ELAVL2: variants seen among roughly 807,000 people sequenced by gnomAD.
ELAVL2 encodes the protein ELAV-like protein 2.
In ELAVL2, 4 loss-of-function variants were observed where a neutral mutation model predicts 34.6. That is an observed-to-expected ratio of 0.12 (90% CI 0.06 to 0.26). ELAVL2 has a LOEUF of 0.26. Among genes scored for constraint, ELAVL2 ranks in the 10% least tolerant of loss-of-function variants. ELAVL2 has a pLI of 1.00. For missense variants in ELAVL2, 432 were observed against 442.8 expected, an observed-to-expected ratio of 0.98 and a Z score of 0.22; for synonymous variants, 193 against 154.8, an observed-to-expected ratio of 1.25 and a Z score of -1.83.
chr9:23,789,682 A>G (rs2060111142), intron 1 of ELAVL2, among the ~76,000 whole-genome samples: 1 of 152,192 alleles, frequency 6.6e-6, no homozygotes, highest in Non-Finnish European at 1.5e-5. Context: ...CACAATCTGA[A>G]TGGCAAGAAA....
chr9:23,801,201 G>A (rs542678308), intron 1 of ELAVL2, among the ~76,000 whole-genome samples: 3 of 152,252 alleles, frequency 2.0e-5, no homozygotes, highest in African/African-American at 7.2e-5. Context: ...TAAATATTAA[G>A]AGCCTAGAAC....
upstream of ELAVL2, among the ~76,000 whole-genome samples, chr9:23,830,866 A>G (rs1239028664): frequency 6.6e-6 from 1 of 152,072 alleles, no homozygotes; most frequent in African/African-American, 2.4e-5. Context: ...CTGAGCATAA[A>G]AAGGGAAAAT....
intron 2 of ELAVL2, among the ~76,000 whole-genome samples, chr9:23,749,219 C>G (rs931021688): frequency 3.9e-5 from 6 of 151,990 alleles, no homozygotes; most frequent in African/African-American, 1.4e-4. Flanking sequence ...GCCATTTAAG[C>G]TTTAATTCTG....
chr9:23,714,003 A>G (rs1025966211), intron 3 of ELAVL2, among the ~76,000 whole-genome samples: 1 of 152,232 alleles, frequency 6.6e-6, no homozygotes, highest in African/African-American at 2.4e-5. Context: ...AAACCTTACA[A>G]GTATTAAATG....
chr9:23,750,764 T>C (rs969459432), intron 2 of ELAVL2, among the ~76,000 whole-genome samples: 1 of 152,148 alleles, frequency 6.6e-6, no homozygotes, highest in Non-Finnish European at 1.5e-5. Flanking sequence ...ACAATTCATT[T>C]AAATGGAATG....
intron 2 of ELAVL2, among the ~76,000 whole-genome samples, chr9:23,761,705 A>T (rs2055049013): frequency 6.6e-6 from 1 of 152,096 alleles, no homozygotes; most frequent in Non-Finnish European, 1.5e-5. Flanking sequence ...GGGTACTAAA[A>T]GATAAAAGTT....
chr9:23,778,422 G>A (rs938463010), intron 1 of ELAVL2, among the ~76,000 whole-genome samples: 6 of 152,146 alleles, frequency 3.9e-5, no homozygotes, highest in African/African-American at 2.4e-5. Flanking sequence ...TTTCACCAAT[G>A]TAACAATTTC....
chr9:23,772,137 G>T (rs533717897), intron 1 of ELAVL2, among the ~76,000 whole-genome samples: 11 of 152,228 alleles, frequency 7.2e-5, no homozygotes, highest in African/African-American at 2.2e-4. Context: ...ACAGAAATTG[G>T]ATTAACTTCA....
At chr9:23,715,679 A>C (rs185379681) in intron 3 of ELAVL2, among the ~76,000 whole-genome samples, 12 of 152,346 alleles carry the variant, frequency 7.9e-5, no homozygotes, top group Non-Finnish European at 1.5e-4. Flanking sequence ...CAATACTATC[A>C]AGATAACCAT....
intron 3 of ELAVL2, among the ~76,000 whole-genome samples, chr9:23,717,374 A>G (rs1345382652): frequency 6.6e-6 from 1 of 152,160 alleles, no homozygotes; most frequent in African/African-American, 2.4e-5. Context: ...ATTCATTCCT[A>G]TTGTTTCTCT....
At chr9:23,755,021 T>C (rs568227203) in intron 2 of ELAVL2, among the ~76,000 whole-genome samples, 1 of 152,310 alleles carries the variant, frequency 6.6e-6, no homozygotes, top group South Asian at 2.1e-4. Flanking sequence ...ACATATTTTC[T>C]GAACGCTTCC....
intron 3 of ELAVL2, among the ~76,000 whole-genome samples, chr9:23,714,743 T>C (rs1050558886): frequency 1.3e-5 from 2 of 152,180 alleles, no homozygotes; most frequent in Non-Finnish European, 2.9e-5. Context: ...TGTTTCTGCA[T>C]GTGAAATGTG....
intron 4 of ELAVL2, among the ~76,000 whole-genome samples, chr9:23,704,487 C>T (rs957717341): frequency 2.0e-4 from 31 of 152,108 alleles, no homozygotes; most frequent in Non-Finnish European, 4.4e-4. Flanking sequence ...GGAAAACAGC[C>T]TGAACAGCAA....
At chr9:23,805,430 C>T (rs553782712) in intron 1 of ELAVL2, among the ~76,000 whole-genome samples, 1 of 152,148 alleles carries the variant, frequency 6.6e-6, no homozygotes, top group Non-Finnish European at 1.5e-5. Context: ...TGATAAACTG[C>T]CAACATACCC....
At chr9:23,779,204 G>C in intron 1 of ELAVL2, 1 of 985,374 alleles carries the variant, frequency 1.0e-6, no homozygotes, top group Non-Finnish European at 1.2e-6. Context: ...AGGTAAGTGG[G>C]GAAGGAACTG....
intron 1 of ELAVL2, among the ~76,000 whole-genome samples, chr9:23,764,759 G>A (rs777117117): frequency 1.3e-5 from 2 of 151,912 alleles, no homozygotes; most frequent in African/African-American, 2.4e-5. Flanking sequence ...TCACTCTTTT[G>A]AGTCTGCGCT....
At chr9:23,831,777 G>A in the ELAVL2 span, among the ~76,000 whole-genome samples, 1 of 151,170 alleles carries the variant, frequency 6.6e-6, no homozygotes, top group Non-Finnish European at 1.5e-5. Flanking sequence ...GCAGGCAGAG[G>A]GGGCGCCTGG....
chr9:23,750,565 T>G (rs1322160184), intron 2 of ELAVL2, among the ~76,000 whole-genome samples: 1 of 152,074 alleles, frequency 6.6e-6, no homozygotes, highest in Non-Finnish European at 1.5e-5. Flanking sequence ...TGGCACCATG[T>G]TTAAAAAGAG....
the ELAVL2 span, among the ~76,000 whole-genome samples, chr9:23,844,969 C>T: frequency 6.6e-6 from 1 of 151,790 alleles, no homozygotes; most frequent in African/African-American, 2.4e-5. Flanking sequence ...TTTTTTCTTA[C>T]TTTAAACATA....
Sources: allele counts gnomAD v4.1 joint callset (sites outside exome capture counted in the v4.1 genomes callset), GRCh38; gene constraint gnomAD v4.1.1; transcripts MANE v1.5; gene names NCBI Gene and HGNC (gene_info 2026-07-23, HGNC 2026-07-21).